The following CREBBP variants were observed in gnomAD, a reference collection of about 807,000 sequenced individuals.
CREBBP encodes CREB binding lysine acetyltransferase.
In CREBBP, 19 loss-of-function variants were observed where a neutral mutation model predicts 265.0. The ratio of observed to expected loss-of-function variants is 0.07; its 90% confidence interval spans 0.05 to 0.11. The LOEUF is 0.11. Ranked by LOEUF, CREBBP falls within the 10% of genes least tolerant of loss-of-function variation. The probability of loss-of-function intolerance (pLI) is 1.00; values close to 1 mark genes in which losing one functional copy is unlikely to be tolerated. For missense variants in CREBBP, 2,525 were observed against 3,219.0 expected (o/e 0.78, Z 5.22); for synonymous variants, 1,457 against 1,223.7 (o/e 1.19, Z -3.98).
chr16:3,768,045 C>T, intron 15 of CREBBP, 136 bp from the exon 16 acceptor site: 2 of 751,376 alleles, frequency 2.7e-6, no homozygotes, highest in Non-Finnish European at 4.6e-6. Context: ...TATGATTCCT[C>T]TTCTCTTCCG....
intron 1 of CREBBP, among the ~76,000 whole-genome samples, chr16:3,879,601 G>C (rs1192069670): frequency 1.3e-5 from 2 of 152,210 alleles, no homozygotes; most frequent in Non-Finnish European, 2.9e-5. Flanking sequence ...GAGGAGGGCT[G>C]ATCGGGTGCG....
chr16:3,782,609 C>G, intron 6 of CREBBP, 75 bp downstream of exon 6: 1 of 1,562,578 alleles, frequency 6.4e-7, no homozygotes, highest in Non-Finnish European at 8.7e-7. Flanking sequence ...CTGAAAACTG[C>G]CTTGGGTTCC....
intron 2 of CREBBP, among the ~76,000 whole-genome samples, chr16:3,841,420 C>A (rs930895186): frequency 2.0e-5 from 3 of 151,802 alleles, no homozygotes; most frequent in African/African-American, 7.3e-5. Context: ...AAACTTTGTG[C>A]TCTTTTTACA....
chr16:3,783,211 T>C (rs2053313670), intron 5 of CREBBP, among the ~76,000 whole-genome samples: 1 of 152,306 alleles, frequency 6.6e-6, no homozygotes, highest in East Asian at 1.9e-4. Flanking sequence ...AAAATTATTA[T>C]GTCTTAAAAC....
At chr16:3,863,469 G>A (rs570908884) in intron 1 of CREBBP, among the ~76,000 whole-genome samples, 11 of 152,106 alleles carry the variant, frequency 7.2e-5, no homozygotes, top group African/African-American at 1.7e-4. Context: ...TGAGCGTGGT[G>A]GTGGGTGCCT....
intron 2 of CREBBP, among the ~76,000 whole-genome samples, chr16:3,837,686 T>A (rs2054483153): frequency 6.6e-6 from 1 of 151,326 alleles, no homozygotes; most frequent in Non-Finnish European, 1.5e-5. Flanking sequence ...ATAGAATAAG[T>A]ACAAATACGT....
intron 2 of CREBBP, among the ~76,000 whole-genome samples, chr16:3,835,875 C>T (rs974309371): frequency 8.6e-5 from 13 of 151,766 alleles, no homozygotes; most frequent in East Asian, 7.8e-4. Flanking sequence ...CCACCGCGCC[C>T]GGCAGAAGAT....
intron 19 of CREBBP, among the ~76,000 whole-genome samples, chr16:3,755,554 C>T (rs1040078209): frequency 9.2e-5 from 14 of 152,122 alleles, no homozygotes; most frequent in Admixed American, 2.0e-4. Context: ...CGAGGGAAGA[C>T]GCTATTGTCT....
At chr16:3,866,582 G>C (rs990111013) in intron 1 of CREBBP, among the ~76,000 whole-genome samples, 5 of 151,642 alleles carry the variant, frequency 3.3e-5, no homozygotes, top group Admixed American at 2.0e-4. Flanking sequence ...CCCCCAAAAT[G>C]TTTTGTTTTG....
intron 21 of CREBBP, among the ~76,000 whole-genome samples, chr16:3,747,124 T>C (rs2052360973): frequency 6.6e-6 from 1 of 151,906 alleles, no homozygotes; most frequent in South Asian, 2.1e-4. Context: ...TTGCTTTAAT[T>C]GGTGTTTCAG....
chr16:3,761,677 A>T (rs557131954), intron 16 of CREBBP: 5 of 482,684 alleles, frequency 1.0e-5, no homozygotes, highest in Admixed American at 2.1e-5. Context: ...ACCCCGACGC[A>T]GCACTCCCCA....
intron 1 of CREBBP, among the ~76,000 whole-genome samples, chr16:3,878,510 C>A (rs2055449964): frequency 6.6e-6 from 1 of 152,184 alleles, no homozygotes; most frequent in South Asian, 2.1e-4. Flanking sequence ...TAATATTAAA[C>A]GTCGCTTATC....
At chr16:3,785,330 C>G (rs1019167826) in intron 5 of CREBBP, among the ~76,000 whole-genome samples, 6 of 152,248 alleles carry the variant, frequency 3.9e-5, no homozygotes, top group African/African-American at 1.2e-4. Flanking sequence ...AGTGAGTACA[C>G]TCTGCCAGGC....
intron 3 of CREBBP, among the ~76,000 whole-genome samples, chr16:3,799,264 A>C (rs917036609): frequency 6.6e-6 from 1 of 152,198 alleles, no homozygotes; most frequent in Admixed American, 6.5e-5. Flanking sequence ...TACACAATAT[A>C]CTAAATACCA....
intron 2 of CREBBP, among the ~76,000 whole-genome samples, chr16:3,810,982 G>A (rs1158441855): frequency 2.6e-5 from 4 of 151,654 alleles, no homozygotes; most frequent in Admixed American, 2.0e-4. Context: ...ACCCCATCCC[G>A]CAAGTAGACG....
chr16:3,864,137 T>C (rs1332732253), intron 1 of CREBBP, among the ~76,000 whole-genome samples: 3 of 152,116 alleles, frequency 2.0e-5, no homozygotes, highest in Non-Finnish European at 4.4e-5. Flanking sequence ...CCCAGCCATA[T>C]TGTAAGAACA....
intron 2 of CREBBP, among the ~76,000 whole-genome samples, chr16:3,845,685 G>C (rs1431348904): frequency 6.6e-6 from 1 of 151,854 alleles, no homozygotes; most frequent in Non-Finnish European, 1.5e-5. Context: ...CAGGAGTTCA[G>C]GACCAGCCTG....
rs1305897515 is a variant in CREBBP, at chr16:3,744,908, T to G, written c.3968A>C (p.Lys1323Thr). 1 of 1,613,930 alleles carries G rather than the reference T, an allele frequency of 6.2e-7. No individual in the cohort carries two copies. Among genetic ancestry groups the G allele is most frequent in the Non-Finnish European group, 8.5e-7 (1 of 1,179,816 alleles). Residue 1323 changes from lysine to threonine, a missense_variant, in exon 23 of 31, where the codon AAA becomes ACA. Lys to Thr is a moderately conservative substitution (Grantham distance 78). This residue lies in a region of CREBBP where 252 missense variants were observed against 452.5 expected (regional missense o/e 0.56). Transcript: ENST00000262367. ...KKTGRPRKEN[K>T]FSAKRLQTTR... is the part of the protein sequence containing the mutation. The stretch of plus-strand genomic sequence containing the variant: ...CCGAAACTTACTCTTAGCACTGAAT[T>G]TGTTTTCTTTTCGAGGTCTGCCAGT...
intron 2 of CREBBP, among the ~76,000 whole-genome samples, chr16:3,815,831 A>G (rs2054027637): frequency 6.6e-6 from 1 of 152,102 alleles, no homozygotes; most frequent in Non-Finnish European, 1.5e-5. Context: ...GTTATTTAAA[A>G]ATGTAGAATT....
Sources: gnomAD v4.1 joint callset for allele counts (sites outside exome capture counted in the v4.1 genomes callset) on GRCh38, gnomAD v4.1.1 for gene constraint, gnomAD v4.1.1 regional missense constraint, MANE v1.5 for transcripts, NCBI Gene and HGNC (gene_info 2026-07-23, HGNC 2026-07-21) for gene names.